The following LARGE1 variants were observed in gnomAD, a reference collection of about 807,000 sequenced individuals.
LARGE1 encodes xylosyl- and glucuronyltransferase LARGE1.
LARGE1 carries 43 observed loss-of-function variants against 87.6 expected under a neutral mutation model. The ratio of observed to expected loss-of-function variants is 0.49; its 90% CI spans 0.38 to 0.63. The LOEUF is 0.63. Ranked by LOEUF, LARGE1 falls within the 30% of genes least tolerant of loss-of-function variation. LARGE1 has a pLI of 0.00. For synonymous variants in LARGE1, 434 were observed against 394.6 expected, an observed-to-expected ratio of 1.10 and a Z score of -1.18; for missense variants, 802 against 1,000.2, an observed-to-expected ratio of 0.80 and a Z score of 2.67.
chr22:33,802,605 T>C (rs1363374304), intron 1 of LARGE1, among the ~76,000 whole-genome samples: 18 of 152,184 alleles, frequency 1.2e-4, no homozygotes. Context: ...GTATGGACAA[T>C]ATGCTTAGAT....
At chr22:33,145,602 C>A in the LARGE1 span, among the ~76,000 whole-genome samples, 1 of 152,108 alleles carries the variant, frequency 6.6e-6, no homozygotes, top group Non-Finnish European at 1.5e-5. Context: ...CTGGACAAAG[C>A]GGAGTCTGAA....
intron 8 of LARGE1, 71 bp downstream of exon 8, chr22:33,384,115 ATTTAAT>A (rs1237962698): frequency 2.0e-6 from 2 of 1,018,610 alleles, no homozygotes; most frequent in East Asian, 4.7e-5. Flanking sequence ...ATTCAGATCG[ATTTAAT>A]TTTAAGTTTC....
chr22:33,821,932 C>T (rs1035419289), intron 1 of LARGE1, among the ~76,000 whole-genome samples: 2 of 146,986 alleles, frequency 1.4e-5, no homozygotes, highest in Admixed American at 6.8e-5. Flanking sequence ...ACTCAGGTTC[C>T]GTTTAAGTGA....
chr22:33,213,469 T>C (rs774853052), intron 11 of LARGE1, among the ~76,000 whole-genome samples: 18 of 152,166 alleles, frequency 1.2e-4, no homozygotes, highest in Non-Finnish European at 2.5e-4. Flanking sequence ...CTGCAGAAAA[T>C]CTTTCATAAA....
chr22:33,085,207 C>T, the LARGE1 span, among the ~76,000 whole-genome samples: 5 of 152,194 alleles, frequency 3.3e-5, no homozygotes, highest in African/African-American at 9.7e-5. Flanking sequence ...ACCCGGGAAG[C>T]GAAGATTGCA....
chr22:33,422,761 G>A (rs977158640), intron 7 of LARGE1, among the ~76,000 whole-genome samples: 3 of 151,760 alleles, frequency 2.0e-5, no homozygotes, highest in South Asian at 2.1e-4. Context: ...CTCTGCGCCC[G>A]GCCATACACA....
chr22:33,711,489 GGA>G (rs2082729620), intron 2 of LARGE1, among the ~76,000 whole-genome samples: 1 of 152,210 alleles, frequency 6.6e-6, no homozygotes, highest in African/African-American at 2.4e-5. Flanking sequence ...CCTCCTTACT[GGA>G]GAGAAGTTAG....
Position 33,801,535 on chromosome 22 carries a change from T to C in LARGE1, c.-82-39977A>G, listed in dbSNP as rs565988398. Among the ~76,000 whole-genome samples the C allele has an allele frequency of 2.0e-5, 3 of 152,348 alleles. No individual in the cohort carries two copies. The East Asian group carries it at 5.8e-4, about 29-fold the overall frequency. On this transcript the variant is annotated intron_variant, in intron 1 of 14. Coordinates refer to ENST00000397394, the MANE Select transcript of LARGE1 (RefSeq NM_133642.5). ...GACATGTCTAAGTCTTTTGCCCATT[T>C]TCTAATTGGATTGTTTGGTTTTTAA...
chr22:33,796,348 G>C (rs2085981652), intron 1 of LARGE1, among the ~76,000 whole-genome samples: 1 of 152,166 alleles, frequency 6.6e-6, no homozygotes, highest in Admixed American at 6.6e-5. Flanking sequence ...TATCAGAAAA[G>C]AGGAAGGCAG....
intron 11 of LARGE1, among the ~76,000 whole-genome samples, chr22:33,260,175 C>T (rs886768197): frequency 6.6e-6 from 1 of 152,188 alleles, no homozygotes. Flanking sequence ...GCCTCTTGCC[C>T]ACATTTTCTT....
chr22:33,536,888 T>C (rs981679361), intron 6 of LARGE1, among the ~76,000 whole-genome samples: 1 of 152,242 alleles, frequency 6.6e-6, no homozygotes, highest in Non-Finnish European at 1.5e-5. Flanking sequence ...CTCAGCTCAC[T>C]ACAACCTCTG....
rs536489776 is a variant in LARGE1, at chr22:33,172,649, A to G, written c.1731-5817T>C. Among the ~76,000 whole-genome samples, 78 of 152,278 alleles carry G rather than the reference A, an allele frequency of 5.1e-4. 1 individual carries two copies. The South Asian group carries it at 5.6e-3, about 11-fold the overall frequency. ...ACTCTAGTATATTTCACCTCCTAAG[A>G]ATAATGTGCTAAGTATCATGTGATA... is the stretch of plus-strand genomic sequence containing the variant. On this transcript the variant is annotated intron_variant, in intron 11 of 11. Coordinates refer to the LARGE1 transcript ENST00000608642.
chr22:33,630,000 C>T (rs1444808045), intron 3 of LARGE1, among the ~76,000 whole-genome samples: 1 of 152,140 alleles, frequency 6.6e-6, no homozygotes, highest in Non-Finnish European at 1.5e-5. Flanking sequence ...GAGTTCAAGA[C>T]CAGCCTGGCT....
chr22:33,172,016 C>G (rs553701482), intron 11 of LARGE1, among the ~76,000 whole-genome samples: 2 of 152,350 alleles, frequency 1.3e-5, no homozygotes, highest in African/African-American at 4.8e-5. Context: ...CATAGGTGCC[C>G]AAGACCATGG....
At chr22:33,259,986 C>T (rs1927534722) in intron 11 of LARGE1, among the ~76,000 whole-genome samples, 1 of 152,240 alleles carries the variant, frequency 6.6e-6, no homozygotes, top group Non-Finnish European at 1.5e-5. Context: ...TAACCACCCT[C>T]AACTCCCATT....
chr22:33,322,190 G>T (rs1485359225), intron 10 of LARGE1, among the ~76,000 whole-genome samples: 1 of 152,192 alleles, frequency 6.6e-6, no homozygotes, highest in East Asian at 1.9e-4. Context: ...CAGGTAAATG[G>T]CTCCAGGAAC....
At chr22:33,310,064 C>T (rs1349967299) in intron 11 of LARGE1, among the ~76,000 whole-genome samples, 4 of 152,158 alleles carry the variant, frequency 2.6e-5, no homozygotes, top group South Asian at 4.1e-4. Context: ...AGATCACCTG[C>T]GGGGCTTCTT....
intron 7 of LARGE1, among the ~76,000 whole-genome samples, chr22:33,422,453 C>T (rs2066725385): frequency 6.6e-6 from 1 of 151,868 alleles, no homozygotes; most frequent in Admixed American, 6.6e-5. Flanking sequence ...GGAGCAGGTA[C>T]CTCACATGGC....
chr22:33,761,339 T>C (rs1388963107), intron 2 of LARGE1, 32 bp downstream of exon 2: 1 of 1,514,252 alleles, frequency 6.6e-7, no homozygotes, highest in Admixed American at 1.7e-5. Flanking sequence ...CTTTCTTCCC[T>C]CCTTCCCTCT....
Sources: gnomAD v4.1 joint callset for allele counts (sites outside exome capture counted in the v4.1 genomes callset) on GRCh38, gnomAD v4.1.1 for gene constraint, MANE v1.5 for transcripts, NCBI Gene and HGNC (gene_info 2026-07-23, HGNC 2026-07-21) for gene names.